ANXA4: variants seen among roughly 807,000 people sequenced by gnomAD.
ANXA4 encodes annexin A4.
A neutral mutation model predicts 49.8 loss-of-function variants in ANXA4; 39 were observed. The ratio of observed to expected loss-of-function variants is 0.78; its 90% CI spans 0.61 to 1.02. ANXA4 has a LOEUF of 1.02. Ranked by LOEUF, ANXA4 falls within the 50% of genes least tolerant of loss-of-function variation. The pLI, the probability that ANXA4 is intolerant of heterozygous loss-of-function variation, is 0.00. For missense variants in ANXA4, 360 were observed against 410.1 expected, an observed-to-expected ratio of 0.88 and a Z score of 1.05; for synonymous variants, 134 against 152.5, an observed-to-expected ratio of 0.88 and a Z score of 0.89.
At chr2:69,674,042 C>G (rs1393517736) in intron 2 of ANXA4, 1 of 149,876 alleles carries the variant, frequency 6.7e-6, no homozygotes, top group Non-Finnish European at 1.5e-5. Context: ...CCCTGCGTGC[C>G]TCGGTGAACA....
At chr2:69,786,529 C>T (rs1316830786) in intron 2 of ANXA4, among the ~76,000 whole-genome samples, 3 of 152,304 alleles carry the variant, frequency 2.0e-5, no homozygotes, top group Admixed American at 6.5e-5. Context: ...ATACAAACTC[C>T]TTACCTGGTT....
intron 2 of ANXA4, among the ~76,000 whole-genome samples, chr2:69,709,795 C>A (rs918942569): frequency 1.3e-5 from 2 of 152,096 alleles, no homozygotes; most frequent in Non-Finnish European, 2.9e-5. Context: ...ATTATGCAAG[C>A]CAGGTGTGCT....
Position 69,804,571 on chromosome 2 carries a change from C to G in ANXA4, c.136C>G (p.Arg46Gly). ...CGCCATTATTAGCGTCCTTGCCTAC[C>G]GCAACACCGCCCAGCGCCAGGAGAT... ...EDAIISVLAYRNTAQRQEIRT... is the reference protein window; with the variant it reads ...EDAIISVLAYGNTAQRQEIRT... Residue 46 changes from arginine to glycine, a missense_variant, in exon 4 of 13, where the codon CGC becomes GGC. Coordinates refer to ENST00000394295, the MANE Select transcript of ANXA4 (RefSeq NM_001153.5). 2 of 1,613,926 alleles carry G rather than the reference C, an allele frequency of 1.2e-6. No homozygotes were observed. Among genetic ancestry groups the G allele is most frequent in the Non-Finnish European group, 1.7e-6 (2 of 1,179,950 alleles).
chr2:69,671,280 G>A (rs1677176227), intron 2 of ANXA4, among the ~76,000 whole-genome samples: 1 of 152,002 alleles, frequency 6.6e-6, no homozygotes, highest in Non-Finnish European at 1.5e-5. Flanking sequence ...TAAAATGACA[G>A]GCTAAAACTC....
intron 1 of ANXA4, among the ~76,000 whole-genome samples, chr2:69,774,705 T>C (rs1043357105): frequency 2.0e-5 from 3 of 152,064 alleles, no homozygotes; most frequent in Admixed American, 1.3e-4. Context: ...AGCAGACAAA[T>C]ACCCCGATGA....
chr2:69,740,702 A>G (rs1339994304), upstream of ANXA4, among the ~76,000 whole-genome samples: 1 of 14,162 alleles, frequency 7.1e-5, no homozygotes, highest in Non-Finnish European at 1.4e-4. Context: ...TTTTTTTTTT[A>G]GACAATGTCT....
chr2:69,741,554 ATG>A (rs1670396835), upstream of ANXA4, among the ~76,000 whole-genome samples: 1 of 152,220 alleles, frequency 6.6e-6, no homozygotes, highest in South Asian at 2.1e-4. Flanking sequence ...ACTTTTGGGA[ATG>A]TGTGTTTTCA....
chr2:69,706,110 A>G (rs906858863), intron 2 of ANXA4, among the ~76,000 whole-genome samples: 4 of 151,864 alleles, frequency 2.6e-5, no homozygotes, highest in African/African-American at 9.7e-5. Context: ...CTGAATTTTT[A>G]TAATGGCAAA....
chr2:69,823,043 T>C (rs1245085319), intron 12 of ANXA4, among the ~76,000 whole-genome samples: 2 of 150,276 alleles, frequency 1.3e-5, no homozygotes, highest in Admixed American at 6.7e-5. Flanking sequence ...CTTTATGTTA[T>C]TTATATTTAT....
chr2:69,744,191 C>G (rs1356238860), intron 1 of ANXA4, among the ~76,000 whole-genome samples: 1 of 152,060 alleles, frequency 6.6e-6, no homozygotes, highest in Non-Finnish European at 1.5e-5. Flanking sequence ...ACCTGTAGTC[C>G]CAGCTACTTG....
At position 69,706,292 on chromosome 2, in the gene ANXA4, C is replaced by CTTTT. The variant is rs916740716; in HGVS notation, n.767-14456_767-14453dup. 2.5e-4 allele frequency among the ~76,000 whole-genome samples: 15 copies of CTTTT among 59,312 alleles called. 2 individuals carry two copies. Among genetic ancestry groups the CTTTT allele is most frequent in the Admixed American group, 4.3e-4 (2 of 4,628 alleles). 38.9% of individuals were successfully genotyped at this position (59,312 alleles called of 152,430 possible). On this transcript the variant is annotated intron_variant and non_coding_transcript_variant, in intron 2 of 3. Coordinates refer to the ANXA4 transcript ENST00000418066. ...ATATAGTAGCACATTGGTACAATTC[C>CTTTT]TTTTTTTTTTTTTTTTTTTTTTTTT...
chr2:69,714,014 G>C (rs905314869), intron 2 of ANXA4, among the ~76,000 whole-genome samples: 32 of 152,250 alleles, frequency 2.1e-4, no homozygotes, highest in Admixed American at 8.5e-4. Context: ...GAATGGGGCA[G>C]AACATTCTTT....
At chr2:69,761,245 G>C (rs960845376) in intron 1 of ANXA4, among the ~76,000 whole-genome samples, 45 of 152,124 alleles carry the variant, frequency 3.0e-4, no homozygotes, top group African/African-American at 1.0e-3. Flanking sequence ...AGTCTGATGT[G>C]TATTTTAAAC....
Position 69,724,423 on chromosome 2 carries a change from T to A in ANXA4, n.864+3552T>A, listed in dbSNP as rs550547842. Among the ~76,000 whole-genome samples the A allele has an allele frequency of 1.5e-3, 228 of 152,316 alleles. 1 individual carries two copies. The highest frequency in any genetic ancestry group is 2.6e-3 in the Non-Finnish European group (177 of 68,012). Reference sequence around the variant, plus strand: ...TGCACCCTGGGGCTTCATCCCCCCATATAAAAGAAGACTTTTTCTAATTAG... The same window carrying A: ...TGCACCCTGGGGCTTCATCCCCCCAAATAAAAGAAGACTTTTTCTAATTAG... On this transcript the variant is annotated intron_variant and non_coding_transcript_variant, in intron 3 of 3. Coordinates refer to the ANXA4 transcript ENST00000418066.
At chr2:69,740,760 G>A (rs572177225), upstream of ANXA4, among the ~76,000 whole-genome samples, 4 of 125,762 alleles carry the variant, frequency 3.2e-5, no homozygotes, top group East Asian at 7.4e-4. Flanking sequence ...TCAGCTTACT[G>A]AGCCTCTGCC....
At chr2:69,676,284 G>A (rs1280859736) in intron 2 of ANXA4, among the ~76,000 whole-genome samples, 1 of 152,078 alleles carries the variant, frequency 6.6e-6, no homozygotes, top group African/African-American at 2.4e-5. Context: ...CTAAACAGAT[G>A]TGGTTCATAG....
At chr2:69,693,200 T>A (rs140025659) in intron 2 of ANXA4, among the ~76,000 whole-genome samples, 1 of 152,304 alleles carries the variant, frequency 6.6e-6, no homozygotes, top group Non-Finnish European at 1.5e-5. Context: ...AATAGCTGCC[T>A]GCAATGCAGT....
chr2:69,747,112 G>GC (rs559919155), intron 1 of ANXA4, among the ~76,000 whole-genome samples: 24 of 152,012 alleles, frequency 1.6e-4, no homozygotes, highest in African/African-American at 4.6e-4. Flanking sequence ...AGAGCAGGAA[G>GC]CCCCCCCATG....
chr2:69,714,310 C>T (rs1038252491), intron 2 of ANXA4, among the ~76,000 whole-genome samples: 2 of 150,334 alleles, frequency 1.3e-5, no homozygotes, highest in African/African-American at 4.9e-5. Flanking sequence ...AGGAGGGGAG[C>T]GTACAGTTTC....
Sources: allele counts gnomAD v4.1 joint callset (sites outside exome capture counted in the v4.1 genomes callset), GRCh38; gene constraint gnomAD v4.1.1; transcripts MANE v1.5; gene names NCBI Gene and HGNC (gene_info 2026-07-23, HGNC 2026-07-21).